The following RPTOR variants were observed in gnomAD, a reference collection of about 807,000 sequenced individuals.
The protein encoded by RPTOR is regulatory associated protein of MTOR complex 1, also known as regulatory-associated protein of mTOR.
In RPTOR, 21 loss-of-function variants were observed where a neutral mutation model predicts 169.9. The ratio of observed to expected loss-of-function variants is 0.12; its 90% CI spans 0.09 to 0.18. The LOEUF (loss-of-function observed/expected upper bound fraction) is 0.18. Ranked by LOEUF, RPTOR falls within the 10% of genes least tolerant of loss-of-function variation. The pLI, the probability that RPTOR is intolerant of heterozygous loss-of-function variation, is 1.00. For synonymous variants in RPTOR, 732 were observed against 753.2 expected (o/e 0.97, Z 0.46); for missense variants, 1,133 against 1,855.9 (o/e 0.61, Z 7.16).
intron 6 of RPTOR, 26 bp from the exon 7 acceptor site, chr17:80,791,424 G>A (rs776521194): frequency 1.6e-5 from 26 of 1,609,900 alleles, no homozygotes; most frequent in Admixed American, 1.0e-4. Flanking sequence ...CATTCATGCC[G>A]TTCACATTCT....
chr17:80,950,001 C>T (rs1304522682), intron 28 of RPTOR, among the ~76,000 whole-genome samples: 3 of 152,270 alleles, frequency 2.0e-5, no homozygotes, highest in Non-Finnish European at 2.9e-5. Flanking sequence ...GCTGGTGGGA[C>T]GGAGTGGCTG....
At chr17:80,797,064 G>C (rs745885902) in intron 7 of RPTOR, among the ~76,000 whole-genome samples, 109 of 152,142 alleles carry the variant, frequency 7.2e-4, no homozygotes, top group Non-Finnish European at 1.3e-3. Flanking sequence ...TTTAATTTTT[G>C]GATTTTGTTC....
chr17:80,872,510 C>A lies in RPTOR; in HGVS notation c.1510-7905C>A, dbSNP rs542834806. Among the ~76,000 whole-genome samples, 3 of 152,268 alleles carry A rather than the reference C, an allele frequency of 2.0e-5. No individual in the cohort carries two copies. The South Asian group carries it at 6.2e-4, about 32-fold the overall frequency. ...GGGAGACCACCCACCCCAGAAGAGACCAGGCTAGGTGACATGCACATTGGT... is the reference window on the plus strand; with the variant it reads ...GGGAGACCACCCACCCCAGAAGAGAACAGGCTAGGTGACATGCACATTGGT... On this transcript the variant is annotated intron_variant, in intron 13 of 33. Coordinates refer to ENST00000306801, the MANE Select transcript of RPTOR (RefSeq NM_020761.3).
chr17:80,713,975 G>A (rs900031788), intron 4 of RPTOR, among the ~76,000 whole-genome samples: 1 of 152,104 alleles, frequency 6.6e-6, no homozygotes, highest in South Asian at 2.1e-4. Context: ...TCTCGCTTTG[G>A]TTGCCCAGGC....
chr17:80,915,276 C>T lies in RPTOR; in HGVS notation c.2520+6347C>T. 1.6e-5 allele frequency among the ~76,000 whole-genome samples: 2 copies of T among 128,540 alleles called. 1 individual carries two copies. The highest frequency in any genetic ancestry group is 1.6e-4 in the Admixed American group (2 of 12,572). 84.3% of individuals were successfully genotyped at this position (128,540 alleles called of 152,430 possible). ...AAAACCAGCTGCGGAGAGGAGTTAC[C>T]CACTCCAGGGTCTCCTCTCTGCTGA... On this transcript the variant is annotated intron_variant, in intron 21 of 33. Transcript: ENST00000306801.
At chr17:80,885,174 A>G (rs1386560234) in intron 17 of RPTOR, 26 bp downstream of exon 17, 1 of 1,547,762 alleles carries the variant, frequency 6.5e-7, no homozygotes, top group Non-Finnish European at 8.7e-7. Context: ...GCCCGGCAGC[A>G]GCAGGGCACC....
At chr17:80,787,022 T>A (rs976793708) in intron 6 of RPTOR, among the ~76,000 whole-genome samples, 1 of 152,168 alleles carries the variant, frequency 6.6e-6, no homozygotes, top group African/African-American at 2.4e-5. Flanking sequence ...CCCTTGATGA[T>A]GACCTGCGCC....
chr17:80,549,306 G>A (rs539384233), intron 1 of RPTOR, among the ~76,000 whole-genome samples: 8 of 152,264 alleles, frequency 5.3e-5, no homozygotes, highest in African/African-American at 1.7e-4. Flanking sequence ...TATATGAATT[G>A]TAGTTCAAAA....
At chr17:80,899,307 T>G (rs1478161800) in intron 20 of RPTOR, among the ~76,000 whole-genome samples, 1 of 152,244 alleles carries the variant, frequency 6.6e-6, no homozygotes, top group Non-Finnish European at 1.5e-5. Flanking sequence ...AGAATTAATG[T>G]TACATATAGT....
chr17:80,621,456 A>G (rs960203507), intron 1 of RPTOR, among the ~76,000 whole-genome samples: 3 of 152,230 alleles, frequency 2.0e-5, no homozygotes, highest in African/African-American at 7.2e-5. Context: ...GGAATGCCGT[A>G]TCACCGCCCT....
chr17:80,720,040 G>A (rs567631707), intron 4 of RPTOR, among the ~76,000 whole-genome samples: 1 of 152,204 alleles, frequency 6.6e-6, no homozygotes, highest in South Asian at 2.1e-4. Context: ...GGTGGCTCAC[G>A]CCTGTAATCC....
In RPTOR at chr17:80,951,243, C is replaced by T. The variant is rs536990897; in HGVS notation, c.3370+1696C>T. Among the ~76,000 whole-genome samples the T allele has an allele frequency of 6.6e-5, 10 of 152,336 alleles. No homozygotes were observed. In the South Asian group the frequency reaches 1.4e-3, roughly 22 times the overall value. On this transcript the variant is annotated intron_variant, in intron 28 of 33. Coordinates refer to ENST00000306801, the MANE Select transcript of RPTOR (RefSeq NM_020761.3). ...CCCAGAAGCATCCACACATCCACAC[C>T]GGGCCACGCTGCAGGAAACAAGACT...
At chr17:80,920,532 C>T (rs1347067548) in intron 21 of RPTOR, among the ~76,000 whole-genome samples, 1 of 152,166 alleles carries the variant, frequency 6.6e-6, no homozygotes, top group Non-Finnish European at 1.5e-5. Flanking sequence ...GGATCAGTTC[C>T]CTGCCTGGAA....
intron 17 of RPTOR, among the ~76,000 whole-genome samples, chr17:80,885,840 CA>C (rs958759674): frequency 1.3e-5 from 2 of 152,240 alleles, no homozygotes; most frequent in African/African-American, 4.8e-5. Flanking sequence ...CGCGCCCGGC[CA>C]AAACAGTTTT....
chr17:80,730,447 G>A lies in RPTOR; in HGVS notation c.508-113G>A, dbSNP rs1450521370. ...AGTTTTGTATAAAGGCTAACTCAGC[G>A]TCTCTCCAGCCACCAGGCTCAATGT... On this transcript the variant is annotated intron_variant, in intron 4 of 33. Transcript: ENST00000306801. The surrounding 1 kb of genome is among the most constrained non-coding windows in gnomAD (Gnocchi z 4.2). The A allele has an allele frequency of 1.2e-5, 15 of 1,206,936 alleles. No homozygotes were observed. Among genetic ancestry groups the A allele is most frequent in the East Asian group, 2.4e-5 (1 of 42,050 alleles). 74.8% of individuals were successfully genotyped at this position (1,206,936 alleles called of 1,614,324 possible). A position where few individuals can be genotyped will look rare whatever the true frequency, so the allele number is the denominator to read the frequency against.
chr17:80,675,987 T>C (rs1321734559), intron 3 of RPTOR, among the ~76,000 whole-genome samples: 1 of 152,126 alleles, frequency 6.6e-6, no homozygotes, highest in Non-Finnish European at 1.5e-5. Flanking sequence ...AATCACAAAA[T>C]CTGAAAGGTG....
intron 32 of RPTOR, 129 bp downstream of exon 32, chr17:80,962,706 C>A (rs1178312467): frequency 9.2e-6 from 10 of 1,084,950 alleles, no homozygotes; most frequent in Non-Finnish European, 1.2e-5. Flanking sequence ...GCTGTGGGGA[C>A]ATAAAAACAA....
chr17:80,637,411 C>G (rs1369825515), intron 2 of RPTOR, among the ~76,000 whole-genome samples: 1 of 152,220 alleles, frequency 6.6e-6, no homozygotes, highest in Non-Finnish European at 1.5e-5. Flanking sequence ...CCAGCCCTGC[C>G]CCTGCTGACG....
At chr17:80,877,413 C>T (rs573231133) in intron 13 of RPTOR, among the ~76,000 whole-genome samples, 8 of 152,304 alleles carry the variant, frequency 5.3e-5, no homozygotes, top group South Asian at 2.1e-4. Context: ...GCATAATGAC[C>T]GTATCAGAAC....
Sources: allele counts gnomAD v4.1 joint callset (sites outside exome capture counted in the v4.1 genomes callset), GRCh38; gene constraint gnomAD v4.1.1; non-coding constraint Gnocchi (gnomAD v3.1); transcripts MANE v1.5; gene names NCBI Gene and HGNC (gene_info 2026-07-23, HGNC 2026-07-21).